CEP20: variants seen among roughly 807,000 people sequenced by gnomAD.
CEP20 encodes centrosomal protein 20.
Under a neutral mutation model 20.0 loss-of-function variants are expected in CEP20, and 18 were observed. The observed-to-expected ratio is 0.90, with a 90% CI of 0.62 to 1.34. CEP20 has a LOEUF of 1.34. Among genes scored for constraint, CEP20 ranks in the 40% most tolerant of loss-of-function variants. The pLI is 0.00. For synonymous variants in CEP20, 77 were observed against 73.7 expected, an observed-to-expected ratio of 1.04 and a Z score of -0.23; for missense variants, 215 against 201.6, an observed-to-expected ratio of 1.07 and a Z score of -0.40.
At chr16:15,883,945 C>G (rs994671397) in intron 2 of CEP20, 63 bp downstream of exon 2, 1 of 1,400,248 alleles carries the variant, frequency 7.1e-7, no homozygotes, top group African/African-American at 1.4e-5. Flanking sequence ...CTAGGATAAA[C>G]AGTTTCTGAG....
intron 2 of CEP20, among the ~76,000 whole-genome samples, chr16:15,881,973 G>C (rs1395336713): frequency 6.6e-6 from 1 of 152,094 alleles, no homozygotes; most frequent in Non-Finnish European, 1.5e-5. Flanking sequence ...ATGTTGCAAC[G>C]CACTCCCCAG....
intron 3 of CEP20, among the ~76,000 whole-genome samples, chr16:15,875,916 T>C (rs1391917840): frequency 6.6e-6 from 1 of 151,244 alleles, no homozygotes; most frequent in African/African-American, 2.4e-5. Flanking sequence ...CTGACCAACA[T>C]GGAGAAACCC....
At chr16:15,874,620 G>A (rs1253528504) in intron 3 of CEP20, among the ~76,000 whole-genome samples, 1 of 151,006 alleles carries the variant, frequency 6.6e-6, no homozygotes, top group Non-Finnish European at 1.5e-5. Context: ...ACAATTAAAA[G>A]GATTTAATCT....
At position 15,867,483 on chromosome 16, in the gene CEP20, G is replaced by A. The variant is rs2044708240; in HGVS notation, c.482C>T (p.Thr161Ile). The A allele has an allele frequency of 2.5e-6, 4 of 1,604,686 alleles. No individual in the cohort carries two copies. The Admixed American group carries it at 5.0e-5, about 20-fold the overall frequency. ...AGAAACATGAAGATCTTCAATGTTA[G>A]TACTTTTCTGTTCCTCCTTTCTTAG... ...DHLRKEEQKS[T>I]NIEDLHVSQA... Residue 161 changes from threonine to isoleucine, a missense_variant, in exon 5 of 5, where the codon ACT becomes ATT. Coordinates refer to ENST00000255759, the MANE Select transcript of CEP20 (RefSeq NM_144600.4).
chr16:15,881,138 T>C (rs527353294), intron 2 of CEP20, among the ~76,000 whole-genome samples: 10 of 152,246 alleles, frequency 6.6e-5, no homozygotes. Flanking sequence ...GCTGGTGATA[T>C]CTTGATTGTG....
chr16:15,867,572 G>A, intron 4 of CEP20, 56 bp from the exon 5 acceptor site: 1 of 1,142,548 alleles, frequency 8.8e-7, no homozygotes, highest in African/African-American at 1.5e-5. Context: ...CACACAGATA[G>A]GTAGACATAG....
At chr16:15,881,425 A>G (rs888379350) in intron 2 of CEP20, among the ~76,000 whole-genome samples, 3 of 152,222 alleles carry the variant, frequency 2.0e-5, no homozygotes, top group African/African-American at 7.2e-5. Flanking sequence ...AGATCCTTAA[A>G]CCATAAAAAT....
intron 3 of CEP20, among the ~76,000 whole-genome samples, chr16:15,875,601 C>T (rs1482636969): frequency 6.6e-6 from 1 of 152,050 alleles, no homozygotes; most frequent in Non-Finnish European, 1.5e-5. Flanking sequence ...CTTGCAAATT[C>T]ATGGATTAAG....
chr16:15,885,399 ATTG>A (rs1158105501), intron 1 of CEP20, among the ~76,000 whole-genome samples: 1 of 151,572 alleles, frequency 6.6e-6, no homozygotes, highest in Non-Finnish European at 1.5e-5. Context: ...TGGGTTTTTC[ATTG>A]TTGTTATTTT....
chr16:15,873,478 G>T lies in CEP20; in HGVS notation c.448+13C>A. 6.2e-7 allele frequency: 1 copy of T among 1,601,906 alleles called. No individual in the cohort carries two copies. Reference sequence around the variant, plus strand: ...TGCTGACAGCTAAATGATGAATCTTGGAAAACTCATACCCATTGGCTTTCT... The same window carrying T: ...TGCTGACAGCTAAATGATGAATCTTTGAAAACTCATACCCATTGGCTTTCT... On this transcript the variant is annotated intron_variant, in intron 4 of 4. Coordinates refer to ENST00000255759, the MANE Select transcript of CEP20 (RefSeq NM_144600.4).
intron 2 of CEP20, among the ~76,000 whole-genome samples, chr16:15,883,456 C>A (rs1450642627): frequency 6.6e-6 from 1 of 152,096 alleles, no homozygotes; most frequent in African/African-American, 2.4e-5. Context: ...AGCACATGGG[C>A]TCACATGATC....
chr16:15,888,063 G>A (rs2045287377), intron 1 of CEP20, among the ~76,000 whole-genome samples: 2 of 144,482 alleles, frequency 1.4e-5, no homozygotes, highest in Admixed American at 7.0e-5. Flanking sequence ...GGGCGACAGA[G>A]AGACCCTCTC....
rs142075635 is a variant in CEP20, at chr16:15,883,763, T to C, written c.226+245A>G. On this transcript the variant is annotated intron_variant, in intron 2 of 4. Transcript: ENST00000255759. ...ACAGGACAAAACGTCAACAATTGTT[T>C]ATTCTCGGTTACAGGAATTATAGAT... Among the ~76,000 whole-genome samples, 54 of 152,324 alleles carry C rather than the reference T, an allele frequency of 3.5e-4. No individual in the cohort carries two copies. The East Asian group carries it at 9.1e-3, about 26-fold the overall frequency.
In CEP20 at chr16:15,867,906, G is replaced by C. The variant is rs567899333; in HGVS notation, c.449-390C>G. ...GAGAATTGCTTGAACCTGGGAGGCA[G>C]AAGTTGCAGTGAGCCAAGATCGTGC... On this transcript the variant is annotated intron_variant, in intron 4 of 4. Transcript: ENST00000255759. Among the ~76,000 whole-genome samples, 5 of 144,128 alleles carry C rather than the reference G, an allele frequency of 3.5e-5. No homozygotes were observed. The South Asian group carries it at 1.1e-3, about 32-fold the overall frequency. The allele number at this position is 144,128 out of a possible 152,430, so 94.6% of individuals were successfully genotyped here.
intron 1 of CEP20, chr16:15,885,891 G>A (rs903003355): frequency 6.6e-6 from 1 of 152,244 alleles, no homozygotes; most frequent in Admixed American, 6.5e-5. Flanking sequence ...GGATTTGGCT[G>A]TACATACTTA....
Position 15,886,904 on chromosome 16 carries a change from TG to T in CEP20, c.28+1653del, listed in dbSNP as rs1044244920. Reference sequence around the variant, plus strand: ...ACCTTTTTTATTTTATTTTTTAATTTGTTTTTTTTTTTGAGACAAGGTCTCA... The same window carrying T: ...ACCTTTTTTATTTTATTTTTTAATTTTTTTTTTTTTTGAGACAAGGTCTCA... On this transcript the variant is annotated intron_variant, in intron 1 of 4. Transcript: ENST00000255759. Among the ~76,000 whole-genome samples, 39 of 145,276 alleles carry T rather than the reference TG, an allele frequency of 2.7e-4. No individual in the cohort carries two copies. The South Asian group carries it at 5.1e-3, about 19-fold the overall frequency.
intron 2 of CEP20, among the ~76,000 whole-genome samples, chr16:15,882,758 T>TACACACACACACA (rs1280415396): frequency 2.1e-4 from 27 of 126,470 alleles, no homozygotes; most frequent in African/African-American, 8.5e-4. Context: ...TATCTATCTA[T>TACACACACACACA]CTATCTATCT....
chr16:15,870,659 T>A (rs1344331460), intron 4 of CEP20, among the ~76,000 whole-genome samples: 1 of 151,512 alleles, frequency 6.6e-6, no homozygotes, highest in Non-Finnish European at 1.5e-5. Flanking sequence ...TGCAAAAAAT[T>A]AAAAAATAAG....
In CEP20 at chr16:15,873,637, G is replaced by C. The variant is rs754151363; in HGVS notation, c.312-10C>G. 6.3e-7 allele frequency: 1 copy of C among 1,597,738 alleles called. No homozygotes were observed. The highest frequency in any genetic ancestry group is 8.5e-7 in the Non-Finnish European group (1 of 1,171,924). The stretch of plus-strand genomic sequence containing the variant: ...CCCATATAAAAGAGGTCTATAGCAG[G>C]AAGAAAACAAAACAAAACCAAAAGC... On this transcript the variant is annotated splice_polypyrimidine_tract_variant and intron_variant, in intron 3 of 4. Transcript: ENST00000255759.
Sources: allele counts gnomAD v4.1 joint callset (sites outside exome capture counted in the v4.1 genomes callset), GRCh38; gene constraint gnomAD v4.1.1; transcripts MANE v1.5; gene names NCBI Gene and HGNC (gene_info 2026-07-23, HGNC 2026-07-21).